Variants in RPTOR observed in about 807,000 individuals in gnomAD.
RPTOR encodes regulatory-associated protein of mTOR.
RPTOR carries 21 observed loss-of-function variants against 169.9 expected under a neutral mutation model. That is an observed-to-expected ratio of 0.12 (90% CI 0.09 to 0.18). The LOEUF is 0.18. RPTOR is among the 10% of genes least tolerant of loss of function. The pLI is 1.00. For missense variants in RPTOR, 1,133 were observed against 1,855.9 expected (o/e 0.61, Z 7.16); for synonymous variants, 732 against 753.2 (o/e 0.97, Z 0.46).
At chr17:80,930,315 G>GCTCAGCTCAGCTCATC (rs2068869117) in intron 24 of RPTOR, among the ~76,000 whole-genome samples, 1 of 13,894 alleles carries the variant, frequency 7.2e-5, no homozygotes, top group African/African-American at 2.7e-4. Flanking sequence ...CTCATCCCCA[G>GCTCAGCTCAGCTCATC]CTCAGCTCAG....
intron 2 of RPTOR, among the ~76,000 whole-genome samples, chr17:80,627,948 C>T (rs376097704): frequency 3.3e-5 from 5 of 151,824 alleles, no homozygotes; most frequent in African/African-American, 9.7e-5. Flanking sequence ...AAGCGATTCT[C>T]CTGCCTCAGC....
intron 3 of RPTOR, among the ~76,000 whole-genome samples, chr17:80,656,218 G>A (rs974993947): frequency 6.6e-6 from 1 of 152,116 alleles, no homozygotes; most frequent in Non-Finnish European, 1.5e-5. Flanking sequence ...TTACAGGCAT[G>A]TGCCACCACA....
intron 3 of RPTOR, among the ~76,000 whole-genome samples, chr17:80,647,090 A>G (rs1185881915): frequency 6.6e-6 from 1 of 152,130 alleles, no homozygotes; most frequent in African/African-American, 2.4e-5. Flanking sequence ...CATGGTGATT[A>G]TATTTTTTTC....
intron 1 of RPTOR, among the ~76,000 whole-genome samples, chr17:80,554,456 A>T (rs1724374984): frequency 6.6e-6 from 1 of 152,120 alleles, no homozygotes; most frequent in African/African-American, 2.4e-5. Context: ...AAAAATGAGA[A>T]TCCAAGGTGG....
intron 7 of RPTOR, among the ~76,000 whole-genome samples, chr17:80,809,759 C>T (rs758961446): frequency 1.2e-4 from 18 of 152,158 alleles, no homozygotes; most frequent in African/African-American, 2.9e-4. Context: ...ACAGTCTAGG[C>T]CAGGTGTGGT....
chr17:80,663,539 T>C (rs1007717930), intron 3 of RPTOR, among the ~76,000 whole-genome samples: 28 of 152,164 alleles, frequency 1.8e-4, no homozygotes, highest in African/African-American at 6.5e-4. Context: ...AGGTGAGATA[T>C]TGACATTATT....
intron 6 of RPTOR, among the ~76,000 whole-genome samples, chr17:80,760,720 G>C (rs116048536): frequency 0.028 from 4,240 of 152,276 alleles, 210 homozygotes; most frequent in African/African-American, 0.097. Context: ...ACGGCTGTGC[G>C]TGTCTGCCGG....
intron 1 of RPTOR, among the ~76,000 whole-genome samples, chr17:80,598,141 CA>C (rs57626765): frequency 6.7e-6 from 1 of 150,166 alleles, no homozygotes; most frequent in Admixed American, 6.6e-5. Flanking sequence ...AACCCTGTCT[CA>C]AAAAAAAAGA....
intron 6 of RPTOR, among the ~76,000 whole-genome samples, chr17:80,761,079 G>T (rs1222581859): frequency 6.6e-6 from 1 of 152,086 alleles, no homozygotes; most frequent in African/African-American, 2.4e-5. Flanking sequence ...CCACATAAAT[G>T]ATTATCTTAC....
intron 17 of RPTOR, among the ~76,000 whole-genome samples, chr17:80,889,239 G>A (rs1449777927): frequency 6.6e-6 from 1 of 152,258 alleles, no homozygotes; most frequent in Non-Finnish European, 1.5e-5. Context: ...CAGAAGAGCA[G>A]AGTTGCCCCT....
rs1176014964 is a variant in RPTOR at position 80,878,677 on chromosome 17, C to T, written c.1510-1738C>T. Among the ~76,000 whole-genome samples, 1 of 152,162 alleles carries T rather than the reference C, an allele frequency of 6.6e-6. No homozygotes were observed. Among genetic ancestry groups the T allele is most frequent in the Non-Finnish European group, 1.5e-5 (1 of 68,044 alleles). ...AGATTTTTAAAACTTTACCTGGGTCCCTGACTAGTAAGAGGGAGAACCTGG... is the reference window on the plus strand; with the variant it reads ...AGATTTTTAAAACTTTACCTGGGTCTCTGACTAGTAAGAGGGAGAACCTGG... On this transcript the variant is annotated intron_variant, in intron 13 of 33. Coordinates refer to ENST00000306801, the MANE Select transcript of RPTOR (RefSeq NM_020761.3). The surrounding 1 kb of genome is among the most constrained non-coding windows in gnomAD (Gnocchi z 4.1).
intron 21 of RPTOR, among the ~76,000 whole-genome samples, chr17:80,913,325 C>T (rs2068634228): frequency 6.6e-6 from 1 of 152,052 alleles, no homozygotes; most frequent in Admixed American, 6.5e-5. Context: ...TATGAGAGAA[C>T]CCACACAGCT....
chr17:80,841,751 C>T (rs534280296), intron 10 of RPTOR, among the ~76,000 whole-genome samples: 6 of 142,488 alleles, frequency 4.2e-5, no homozygotes, highest in African/African-American at 1.3e-4. Flanking sequence ...TCTCCCCGCA[C>T]GGCAGCTCAC....
rs1480197232 is a variant in RPTOR at position 80,545,679 on chromosome 17, A to G, written c.50A>G (p.Asp17Gly). ...QSPLLGLGEE[D>G]EADLTDWNLP... is the part of the protein sequence containing the mutation. ...CCTCTTCTGGGCCTGGGGGAGGAAG[A>G]TGAGGCTGATCTTACAGACTGGAAC... is the stretch of plus-strand genomic sequence containing the variant. The change falls in exon 1 of 34, where the codon GAT becomes GGT. Residue 17 changes from aspartate (D) to glycine (G), a missense_variant. Physicochemically the swap from Asp to Gly is moderately conservative, Grantham distance 94. Transcript: ENST00000306801. The G allele has an allele frequency of 1.9e-6, 3 of 1,613,792 alleles. No individual in the cohort carries two copies. The highest frequency in any genetic ancestry group is 2.7e-5 in the African/African-American group (2 of 74,892).
chr17:80,817,038 C>T (rs2067331227), intron 7 of RPTOR, among the ~76,000 whole-genome samples: 2 of 152,134 alleles, frequency 1.3e-5, no homozygotes, highest in Non-Finnish European at 2.9e-5. Context: ...ACCTGCCTGG[C>T]GTGGGCATTG....
chr17:80,925,269 G>T, intron 23 of RPTOR, 101 bp from the exon 24 acceptor site: 2 of 962,632 alleles, frequency 2.1e-6, no homozygotes. Context: ...CGGTGCTCCC[G>T]GCAGCGCCTT....
At chr17:80,785,980 A>G (rs2066987072) in intron 6 of RPTOR, among the ~76,000 whole-genome samples, 1 of 152,158 alleles carries the variant, frequency 6.6e-6, no homozygotes. Context: ...GAGTTTTCAT[A>G]GAGCGTCTGT....
chr17:80,745,426 G>C (rs910351455), intron 5 of RPTOR, among the ~76,000 whole-genome samples: 1 of 152,166 alleles, frequency 6.6e-6, no homozygotes, highest in South Asian at 2.1e-4. Flanking sequence ...CTCTCAGCCT[G>C]GATGTGATAG....
At chr17:80,748,112 T>C (rs578211498) in intron 5 of RPTOR, among the ~76,000 whole-genome samples, 1 of 109,808 alleles carries the variant, frequency 9.1e-6, no homozygotes, top group Non-Finnish European at 1.8e-5. Context: ...GGAGGACCTG[T>C]TGGGTGGATG....
Sources: allele counts gnomAD v4.1 joint callset (sites outside exome capture counted in the v4.1 genomes callset), GRCh38; gene constraint gnomAD v4.1.1; non-coding constraint Gnocchi (gnomAD v3.1); transcripts MANE v1.5; gene names NCBI Gene and HGNC (gene_info 2026-07-23, HGNC 2026-07-21).